PPARGC1A: variants seen among roughly 807,000 people sequenced by gnomAD.
PPARGC1A encodes peroxisome proliferator-activated receptor gamma coactivator 1-alpha.
A neutral mutation model predicts 88.7 loss-of-function variants in PPARGC1A; 25 were observed. That is an observed-to-expected ratio of 0.28 (90% CI 0.21 to 0.39). PPARGC1A has a LOEUF of 0.39. Ranked by LOEUF, PPARGC1A falls within the 10% of genes least tolerant of loss-of-function variation. The probability of loss-of-function intolerance (pLI) is 1.00; values close to 1 mark genes in which losing one functional copy is unlikely to be tolerated. For missense variants in PPARGC1A, 880 were observed against 968.7 expected, an observed-to-expected ratio of 0.91 and a Z score of 1.22; for synonymous variants, 363 against 355.6, an observed-to-expected ratio of 1.02 and a Z score of -0.24.
chr4:24,066,635 C>T, the PPARGC1A span, among the ~76,000 whole-genome samples: 3 of 152,180 alleles, frequency 2.0e-5, no homozygotes, highest in East Asian at 1.9e-4. Flanking sequence ...CCCCAGGCTC[C>T]GATAGGGGAA....
At chr4:24,287,893 C>CCATT in the PPARGC1A span, among the ~76,000 whole-genome samples, 9 of 152,050 alleles carry the variant, frequency 5.9e-5, no homozygotes, top group Admixed American at 2.6e-4. Context: ...GAGTCACATA[C>CCATT]CATTTAGCAG....
chr4:23,804,802 T>A (rs762335482), intron 10 of PPARGC1A, among the ~76,000 whole-genome samples: 5 of 152,168 alleles, frequency 3.3e-5, no homozygotes, highest in Non-Finnish European at 7.3e-5. Flanking sequence ...CTATTCACAC[T>A]GCACCACTCC....
chr4:23,997,966 T>C, the PPARGC1A span, among the ~76,000 whole-genome samples: 1 of 152,232 alleles, frequency 6.6e-6, no homozygotes, highest in African/African-American at 2.4e-5. Flanking sequence ...AGATCTATGA[T>C]ATTCTTCGGC....
At chr4:24,345,335 T>G in the PPARGC1A span, among the ~76,000 whole-genome samples, 1 of 152,100 alleles carries the variant, frequency 6.6e-6, no homozygotes, top group Non-Finnish European at 1.5e-5. Context: ...GTTGAATTTG[T>G]AGATTGCTTT....
At chr4:23,898,990 G>A (rs938597970) in intron 1 of PPARGC1A, among the ~76,000 whole-genome samples, 8 of 151,692 alleles carry the variant, frequency 5.3e-5, no homozygotes, top group South Asian at 2.1e-4. Context: ...CGAGCACCAC[G>A]ACGCCCGGCT....
chr4:23,839,692 G>A (rs1298949354), intron 2 of PPARGC1A, among the ~76,000 whole-genome samples: 4 of 152,072 alleles, frequency 2.6e-5, no homozygotes, highest in African/African-American at 4.8e-5. Context: ...CAATTTACAA[G>A]AGAAAGATGT....
the PPARGC1A span, among the ~76,000 whole-genome samples, chr4:24,449,510 G>A: frequency 6.6e-6 from 1 of 152,184 alleles, no homozygotes; most frequent in African/African-American, 2.4e-5. Flanking sequence ...CTACCTGCAA[G>A]ATTATAAATT....
At chr4:24,103,787 C>T in the PPARGC1A span, among the ~76,000 whole-genome samples, 4 of 152,172 alleles carry the variant, frequency 2.6e-5, no homozygotes, top group Admixed American at 1.3e-4. Flanking sequence ...GGAACTATCT[C>T]GCAGTCTTCA....
At chr4:24,235,383 TCA>T in the PPARGC1A span, among the ~76,000 whole-genome samples, 26 of 152,336 alleles carry the variant, frequency 1.7e-4, no homozygotes, top group East Asian at 4.8e-3. Context: ...AAATCCATTC[TCA>T]GTTTAGAAAG....
At chr4:24,137,095 C>CA in the PPARGC1A span, among the ~76,000 whole-genome samples, 1 of 141,032 alleles carries the variant, frequency 7.1e-6, no homozygotes, top group African/African-American at 2.7e-5. Flanking sequence ...GCCCGGGTGA[C>CA]ACAGCGAGAC....
chr4:24,304,992 G>C, the PPARGC1A span, among the ~76,000 whole-genome samples: 3 of 151,984 alleles, frequency 2.0e-5, no homozygotes, highest in African/African-American at 7.3e-5. Flanking sequence ...AGATGGATAA[G>C]TCAGACAAAG....
chr4:23,986,319 C>A, the PPARGC1A span, among the ~76,000 whole-genome samples: 4 of 152,008 alleles, frequency 2.6e-5, no homozygotes, highest in African/African-American at 9.7e-5. Context: ...TACTTTGGTT[C>A]GTGGCATTCT....
At chr4:24,369,681 C>A in the PPARGC1A span, among the ~76,000 whole-genome samples, 2 of 151,968 alleles carry the variant, frequency 1.3e-5, no homozygotes, top group East Asian at 3.9e-4. Context: ...TTTTTAACAC[C>A]CTGCAAAGCT....
the PPARGC1A span, among the ~76,000 whole-genome samples, chr4:24,035,093 C>T: frequency 5.9e-5 from 9 of 152,232 alleles, no homozygotes; most frequent in South Asian, 1.9e-3. Flanking sequence ...TTCAGGAGAG[C>T]AATACATGAT....
At chr4:24,416,593 C>T in the PPARGC1A span, among the ~76,000 whole-genome samples, 1 of 152,106 alleles carries the variant, frequency 6.6e-6, no homozygotes, top group African/African-American at 2.4e-5. Context: ...AAATGAGAAG[C>T]TTTAATTAGA....
chr4:23,923,477 C>CA, the PPARGC1A span, among the ~76,000 whole-genome samples: 1 of 150,750 alleles, frequency 6.6e-6, no homozygotes, highest in Non-Finnish European at 1.5e-5. Flanking sequence ...GCTAGTAGAC[C>CA]AAAAAAACAA....
At chr4:23,892,161 T>C (rs751320617), upstream of PPARGC1A, among the ~76,000 whole-genome samples, 2 of 152,194 alleles carry the variant, frequency 1.3e-5, no homozygotes, top group African/African-American at 2.4e-5. Context: ...ATTTTTGATA[T>C]TCTAACCTGC....
chr4:23,986,852 AAG>A, the PPARGC1A span, among the ~76,000 whole-genome samples: 2 of 152,114 alleles, frequency 1.3e-5, no homozygotes, highest in African/African-American at 2.4e-5. Context: ...GACTTGTTCA[AAG>A]AGAGAATTAC....
chr4:23,800,866 C>A (rs1029889819), intron 12 of PPARGC1A, among the ~76,000 whole-genome samples: 3 of 151,590 alleles, frequency 2.0e-5, no homozygotes, highest in African/African-American at 7.3e-5. Flanking sequence ...ATAATATACA[C>A]CTCCTAGGAT....
Sources: gnomAD v4.1 joint callset for allele counts (sites outside exome capture counted in the v4.1 genomes callset) on GRCh38, gnomAD v4.1.1 for gene constraint, MANE v1.5 for transcripts, NCBI Gene and HGNC (gene_info 2026-07-23, HGNC 2026-07-21) for gene names.